The following CCSER1 variants were observed in gnomAD, a reference collection of about 807,000 sequenced individuals.
CCSER1 encodes the protein serine-rich coiled-coil domain-containing protein 1.
CCSER1 carries 41 observed loss-of-function variants against 82.0 expected under a neutral mutation model. The ratio of observed to expected loss-of-function variants is 0.50; its 90% CI spans 0.39 to 0.65. The LOEUF (loss-of-function observed/expected upper bound fraction) is 0.65, where lower values mean the gene tolerates loss of function less well. Ranked by LOEUF, CCSER1 falls within the 30% of genes least tolerant of loss-of-function variation. The pLI is 0.00. For synonymous variants in CCSER1, 414 were observed against 383.9 expected, an observed-to-expected ratio of 1.08 and a Z score of -0.92; for missense variants, 1,119 against 1,064.2, an observed-to-expected ratio of 1.05 and a Z score of -0.72.
intron 9 of CCSER1, among the ~76,000 whole-genome samples, chr4:90,946,224 T>C (rs1383722924): frequency 2.0e-5 from 3 of 152,250 alleles, no homozygotes; most frequent in Admixed American, 1.3e-4. Context: ...GAATAATGAC[T>C]AATATTTATT....
chr4:91,585,063 A>G (rs1198377920), intron 10 of CCSER1, among the ~76,000 whole-genome samples: 1 of 151,450 alleles, frequency 6.6e-6, no homozygotes, highest in Non-Finnish European at 1.5e-5. Flanking sequence ...TTAAAATTTC[A>G]CTCTTTAAAT....
chr4:91,490,633 A>C (rs1758466911), intron 10 of CCSER1, among the ~76,000 whole-genome samples: 1 of 151,498 alleles, frequency 6.6e-6, no homozygotes, highest in Non-Finnish European at 1.5e-5. Flanking sequence ...ATTTAATGGT[A>C]CAAAAATATA....
At chr4:91,299,193 TA>T in intron 10 of CCSER1, among the ~76,000 whole-genome samples, 1 of 152,130 alleles carries the variant, frequency 6.6e-6, no homozygotes, top group African/African-American at 2.4e-5. Context: ...AATGCCCTTT[TA>T]AGAGTGAGGC....
At chr4:90,317,510 T>A (rs1226518489) in intron 3 of CCSER1, among the ~76,000 whole-genome samples, 2 of 152,116 alleles carry the variant, frequency 1.3e-5, no homozygotes, top group Non-Finnish European at 2.9e-5. Flanking sequence ...TAATCCCAGC[T>A]ACTCGGAAGG....
At chr4:90,352,039 A>G (rs906584002) in intron 3 of CCSER1, among the ~76,000 whole-genome samples, 10 of 152,182 alleles carry the variant, frequency 6.6e-5, no homozygotes, top group African/African-American at 2.2e-4. Context: ...AAATACGGAG[A>G]TTAGGCCGGG....
intron 10 of CCSER1, among the ~76,000 whole-genome samples, chr4:91,228,435 A>C (rs1434632701): frequency 6.6e-6 from 1 of 151,964 alleles, no homozygotes; most frequent in Non-Finnish European, 1.5e-5. Context: ...CCAACATTAA[A>C]TTTTACAGAA....
intron 6 of CCSER1, among the ~76,000 whole-genome samples, chr4:90,693,879 G>T (rs1489835272): frequency 6.6e-6 from 1 of 151,180 alleles, no homozygotes; most frequent in Non-Finnish European, 1.5e-5. Context: ...AAGAAAGAGA[G>T]AAAGAAAGAA....
At chr4:91,466,275 A>C (rs113288976) in intron 10 of CCSER1, among the ~76,000 whole-genome samples, 1,561 of 152,222 alleles carry the variant, frequency 0.01, 11 homozygotes, top group Middle Eastern at 0.02. Flanking sequence ...TCAATAGATG[A>C]AGAAAAGGCC....
At chr4:90,522,656 G>A (rs1280396015) in intron 5 of CCSER1, among the ~76,000 whole-genome samples, 1 of 152,078 alleles carries the variant, frequency 6.6e-6, no homozygotes, top group African/African-American at 2.4e-5. Flanking sequence ...ATTCTTCTGT[G>A]AAGACTTTCT....
At chr4:90,799,970 G>A (rs750643591) in intron 7 of CCSER1, among the ~76,000 whole-genome samples, 1 of 152,152 alleles carries the variant, frequency 6.6e-6, no homozygotes, top group Non-Finnish European at 1.5e-5. Flanking sequence ...AACAAGTCCT[G>A]TTGCACGCTG....
chr4:91,497,868 C>T (rs1375333455), intron 10 of CCSER1, among the ~76,000 whole-genome samples: 1 of 151,890 alleles, frequency 6.6e-6, no homozygotes, highest in Non-Finnish European at 1.5e-5. Context: ...GTGAATTTTT[C>T]TTTAACCTCT....
chr4:91,032,073 A>G (rs1266580306), intron 9 of CCSER1, among the ~76,000 whole-genome samples: 2 of 152,064 alleles, frequency 1.3e-5, no homozygotes, highest in African/African-American at 4.8e-5. Flanking sequence ...CTAGAACAGT[A>G]TTTGTTAAAG....
At chr4:90,862,230 T>C (rs1180887138) in intron 8 of CCSER1, among the ~76,000 whole-genome samples, 7 of 151,834 alleles carry the variant, frequency 4.6e-5, no homozygotes, top group Non-Finnish European at 1.0e-4. Context: ...TAAAAATATA[T>C]GTTAGCAATT....
At chr4:91,333,726 G>A (rs1747117193) in intron 10 of CCSER1, among the ~76,000 whole-genome samples, 1 of 151,976 alleles carries the variant, frequency 6.6e-6, no homozygotes, top group Admixed American at 6.6e-5. Context: ...GTCTGTATTT[G>A]TATAATCCTG....
At chr4:90,305,381 T>A (rs1465187627) in intron 1 of CCSER1, among the ~76,000 whole-genome samples, 2 of 152,204 alleles carry the variant, frequency 1.3e-5, no homozygotes, top group African/African-American at 2.4e-5. Flanking sequence ...TTATGGTTGA[T>A]TATATTCTAA....
chr4:91,062,173 T>G (rs1348402982), intron 9 of CCSER1, among the ~76,000 whole-genome samples: 1 of 152,078 alleles, frequency 6.6e-6, no homozygotes, highest in Non-Finnish European at 1.5e-5. Flanking sequence ...GAAAGTTTAG[T>G]AACTCTGGGT....
intron 6 of CCSER1, among the ~76,000 whole-genome samples, chr4:90,704,873 A>G (rs1170353903): frequency 1.3e-5 from 2 of 152,082 alleles, no homozygotes; most frequent in Admixed American, 1.3e-4. Flanking sequence ...TTAGCCATTC[A>G]TCTAATCTTT....
At chr4:90,224,416 G>A (rs970084992) in intron 1 of CCSER1, among the ~76,000 whole-genome samples, 2 of 152,210 alleles carry the variant, frequency 1.3e-5, no homozygotes, top group African/African-American at 4.8e-5. Flanking sequence ...ATTGTACAAT[G>A]AAAATAGGCT....
In CCSER1 at chr4:90,775,454, C is replaced by A. The variant is rs188568168; in HGVS notation, c.2011-40308C>A. ...TTGTAAAATATAAAACATGGAGAGA[C>A]GATTTTTGAACTACAAATGTGAATA... On this transcript the variant is annotated intron_variant, in intron 7 of 10. Coordinates refer to ENST00000509176, the MANE Select transcript of CCSER1 (RefSeq NM_001145065.2). Among the ~76,000 whole-genome samples, 454 of 152,084 alleles carry A rather than the reference C, an allele frequency of 3.0e-3. 1 individual carries two copies. The highest frequency in any genetic ancestry group is 0.01 in the African/African-American group (420 of 41,504).
Sources: allele counts gnomAD v4.1 joint callset (sites outside exome capture counted in the v4.1 genomes callset), GRCh38; gene constraint gnomAD v4.1.1; transcripts MANE v1.5; gene names NCBI Gene and HGNC (gene_info 2026-07-23, HGNC 2026-07-21).